COL13A1: variants seen among roughly 807,000 people sequenced by gnomAD.
COL13A1 encodes collagen type XIII alpha 1 chain, also known as collagen alpha-1(XIII) chain.
A neutral mutation model predicts 130.9 loss-of-function variants in COL13A1; 89 were observed. That is an observed-to-expected ratio of 0.68 (90% CI 0.57 to 0.81). The LOEUF (loss-of-function observed/expected upper bound fraction) is 0.81, where lower values mean the gene tolerates loss of function less well. COL13A1 is among the 30% of genes least tolerant of loss of function. The pLI is 0.00. For missense variants in COL13A1, 879 were observed against 934.6 expected (o/e 0.94, Z 0.78); for synonymous variants, 402 against 341.6 (o/e 1.18, Z -1.95).
intron 15 of COL13A1, among the ~76,000 whole-genome samples, chr10:69,903,672 G>GA (rs968950691): frequency 6.6e-6 from 1 of 152,216 alleles, no homozygotes; most frequent in African/African-American, 2.4e-5. Context: ...CCATGTGGTA[G>GA]AAAAACCAAA....
At chr10:69,946,277 T>C (rs779331078) in intron 37 of COL13A1, among the ~76,000 whole-genome samples, 4 of 152,182 alleles carry the variant, frequency 2.6e-5, no homozygotes, top group Non-Finnish European at 2.9e-5. Context: ...ATGTAGCCCC[T>C]CCCACTGTGT....
At position 69,932,436 on chromosome 10, in the gene COL13A1, T is replaced by C. The variant is rs145931474; in HGVS notation, c.1684-124T>C. 1,230 of 660,860 alleles carry C rather than the reference T, an allele frequency of 1.9e-3. 28 individuals carry two copies. The East Asian group carries it at 0.032, about 17-fold the overall frequency. 40.9% of individuals were successfully genotyped at this position (660,860 alleles called of 1,614,324 possible). A position where few individuals can be genotyped will look rare whatever the true frequency, so the allele number is the denominator to read the frequency against. On this transcript the variant is annotated intron_variant, in intron 30 of 40. Transcript: ENST00000645393. ...CAGGCTGACACCTCCACATCCTCCA[T>C]GGTGTTCCTTGTTGACCCCTAGACC...
At chr10:69,816,888 G>A (rs370620022) in intron 1 of COL13A1, among the ~76,000 whole-genome samples, 40 of 152,296 alleles carry the variant, frequency 2.6e-4, no homozygotes, top group African/African-American at 8.9e-4. Context: ...AGGCAGCGAA[G>A]ATTGTCATCC....
chr10:69,931,275 G>T (rs1211853345), intron 30 of COL13A1: 1 of 452,566 alleles, frequency 2.2e-6, no homozygotes, highest in Non-Finnish European at 4.4e-6. Flanking sequence ...AGAGGGCTGG[G>T]TGTCAAGGTT....
intron 2 of COL13A1, 62 bp from the exon 3 acceptor site, chr10:69,867,736 G>A (rs556214043): frequency 4.1e-5 from 29 of 715,394 alleles, no homozygotes; most frequent in South Asian, 1.5e-4. Flanking sequence ...CTTCCAAGGC[G>A]GCCTCCCCAC....
At chr10:69,877,759 A>G (rs1043165182) in intron 5 of COL13A1, among the ~76,000 whole-genome samples, 1 of 144,994 alleles carries the variant, frequency 6.9e-6, no homozygotes, top group Admixed American at 6.8e-5. Flanking sequence ...ACGTGCCTCA[A>G]GAGGGCCTCT....
chr10:69,808,074 A>G (rs1842042444), intron 1 of COL13A1, among the ~76,000 whole-genome samples: 1 of 152,208 alleles, frequency 6.6e-6, no homozygotes, highest in Non-Finnish European at 1.5e-5. Flanking sequence ...GGTGCTTACT[A>G]TAAAGGCAGG....
chr10:69,896,152 AG>A (rs917193785), intron 13 of COL13A1, among the ~76,000 whole-genome samples: 17 of 152,104 alleles, frequency 1.1e-4, no homozygotes, highest in Non-Finnish European at 2.1e-4. Context: ...CCTCTTTAAA[AG>A]CAGAGGAAAC....
intron 4 of COL13A1, 100 bp downstream of exon 4, chr10:69,872,310 A>G (rs960319275): frequency 2.2e-6 from 3 of 1,378,250 alleles, no homozygotes; most frequent in Non-Finnish European, 1.0e-6. Context: ...CTCCAGGTGT[A>G]TCTGGGTGAC....
At position 69,926,175 on chromosome 10, in the gene COL13A1, T is replaced by C. The variant is rs962347134; in HGVS notation, c.1398+303T>C. ...TGGAATTATCCTGGCACCCCACAAG[T>C]TACGGCCCATGCAGGGTGCTGGGGC... is the stretch of plus-strand genomic sequence containing the variant. On this transcript the variant is annotated intron_variant, in intron 26 of 40. Transcript: ENST00000645393. 2.6e-5 allele frequency among the ~76,000 whole-genome samples: 4 copies of C among 152,244 alleles called. No homozygotes were observed. The East Asian group carries it at 7.7e-4, about 29-fold the overall frequency.
chr10:69,873,055 G>A (rs927244088), intron 4 of COL13A1, among the ~76,000 whole-genome samples: 2 of 152,150 alleles, frequency 1.3e-5, no homozygotes, highest in African/African-American at 4.8e-5. Context: ...TGTACCATGG[G>A]CCCTCAGATG....
In COL13A1 at chr10:69,857,206, C is replaced by T. The variant is rs184595992; in HGVS notation, c.365-10592C>T. On this transcript the variant is annotated intron_variant, in intron 2 of 40. Transcript: ENST00000645393. ...TACGATTCTGACCCCAACCTGGAAGCGACAGGGGCCCACGGAAGTAAGAAA... is the reference window on the plus strand; with the variant it reads ...TACGATTCTGACCCCAACCTGGAAGTGACAGGGGCCCACGGAAGTAAGAAA... Among the ~76,000 whole-genome samples, 18 of 152,312 alleles carry T rather than the reference C, an allele frequency of 1.2e-4. No individual in the cohort carries two copies. The South Asian group carries it at 2.5e-3, about 21-fold the overall frequency.
chr10:69,886,332 T>G (rs1016081662), intron 7 of COL13A1, among the ~76,000 whole-genome samples: 6 of 152,204 alleles, frequency 3.9e-5, no homozygotes, highest in African/African-American at 1.4e-4. Flanking sequence ...ATGAGGAAAC[T>G]GAGGCTCTGG....
chr10:69,853,254 G>A, intron 2 of COL13A1, among the ~76,000 whole-genome samples: 1 of 152,144 alleles, frequency 6.6e-6, no homozygotes, highest in Non-Finnish European at 1.5e-5. Flanking sequence ...ATTTCCTATG[G>A]ATACTGCACC....
chr10:69,882,460 G>T (rs1180393431), intron 7 of COL13A1, among the ~76,000 whole-genome samples: 3 of 152,224 alleles, frequency 2.0e-5, no homozygotes, highest in Non-Finnish European at 4.4e-5. Flanking sequence ...GTAGTGAAAA[G>T]CACCTTCTGC....
chr10:69,846,008 G>C (rs1017823270), intron 2 of COL13A1, among the ~76,000 whole-genome samples: 31 of 152,370 alleles, frequency 2.0e-4, no homozygotes, highest in African/African-American at 6.0e-4. Flanking sequence ...TTTCCCCAAG[G>C]CCTGGCGCAA....
At chr10:69,814,226 C>T (rs972194538) in intron 1 of COL13A1, among the ~76,000 whole-genome samples, 7 of 152,230 alleles carry the variant, frequency 4.6e-5, no homozygotes, top group Admixed American at 3.3e-4. Context: ...CCTCCTCTTC[C>T]TTCAACTCCT....
At chr10:69,826,434 T>C (rs929766440) in intron 2 of COL13A1, among the ~76,000 whole-genome samples, 1 of 152,174 alleles carries the variant, frequency 6.6e-6, no homozygotes, top group Admixed American at 6.5e-5. Flanking sequence ...GGGGGTGATG[T>C]GGTCAGGCTT....
chr10:69,847,796 T>A lies in COL13A1; in HGVS notation c.365-20002T>A, dbSNP rs1192738447. ...TGATTCACTCTCTTTCTCCTTTCCA[T>A]CTGTGGCCCCACAGAAACAGCAAAG... On this transcript the variant is annotated intron_variant, in intron 2 of 40. Transcript: ENST00000645393. Among the ~76,000 whole-genome samples, 3 of 152,196 alleles carry A rather than the reference T, an allele frequency of 2.0e-5. No homozygotes were observed. In the East Asian group the frequency reaches 5.8e-4, roughly 29 times the overall value.
Sources: gnomAD v4.1 joint callset for allele counts (sites outside exome capture counted in the v4.1 genomes callset) on GRCh38, gnomAD v4.1.1 for gene constraint, MANE v1.5 for transcripts, NCBI Gene and HGNC (gene_info 2026-07-23, HGNC 2026-07-21) for gene names.